The following ANLN variants were observed in gnomAD, a reference collection of about 807,000 sequenced individuals.
ANLN encodes the protein anillin.
Under a neutral mutation model 135.1 loss-of-function variants are expected in ANLN, and 59 were observed. That is an observed-to-expected ratio of 0.44 (90% confidence interval 0.35 to 0.54). The LOEUF (loss-of-function observed/expected upper bound fraction) is 0.54, where lower values mean the gene tolerates loss of function less well. ANLN is among the 20% of genes least tolerant of loss of function. The probability of loss-of-function intolerance (pLI) is 0.00; values close to 1 mark genes in which losing one functional copy is unlikely to be tolerated. For missense variants in ANLN, 1,182 were observed against 1,340.0 expected (o/e 0.88, Z 1.84); for synonymous variants, 406 against 456.4 (o/e 0.89, Z 1.41).
Position 36,396,273 on chromosome 7 carries a change from T to C in ANLN, c.26T>C (p.Leu9Pro), listed in dbSNP as rs770643953. The change falls in exon 2 of 24, where the codon CTG becomes CCG. Residue 9 changes from leucine to proline, a missense_variant. Leu to Pro is a moderately conservative substitution (Grantham distance 98). Around this residue, in one of 3 missense-constraint regions of ANLN, gnomAD observed 1,022 missense variants for 1,134.0 expected, o/e 0.90. Coordinates refer to ENST00000265748, the MANE Select transcript of ANLN (RefSeq NM_018685.5). MDPFTEKL[L>P]ERTRARRENL... is the part of the protein sequence containing the mutation. ...ATATATTTATTTATGTAGAAACTGC[T>C]GGAGCGAACCCGTGCCAGGCGAGAG... is the stretch of plus-strand genomic sequence containing the variant. 1 of 1,593,400 alleles carries C rather than the reference T, an allele frequency of 6.3e-7. No homozygotes were observed. Among genetic ancestry groups the C allele is most frequent in the East Asian group, 2.2e-5 (1 of 44,630 alleles).
At chr7:36,427,526 T>G (rs1449827461) in intron 20 of ANLN, among the ~76,000 whole-genome samples, 1 of 152,084 alleles carries the variant, frequency 6.6e-6, no homozygotes, top group African/African-American at 2.4e-5. Flanking sequence ...TAATTTTTAC[T>G]ATTGTTTTGT....
chr7:36,427,052 G>A (rs199717895), intron 20 of ANLN, 24 bp downstream of exon 20: 12 of 1,485,450 alleles, frequency 8.1e-6, no homozygotes, highest in Admixed American at 2.1e-5. Context: ...ATTTCTAAGG[G>A]TGTGGTGTTT....
intron 5 of ANLN, among the ~76,000 whole-genome samples, chr7:36,409,759 G>A (rs560241052): frequency 5.0e-4 from 76 of 151,892 alleles, no homozygotes; most frequent in Non-Finnish European, 8.8e-4. Flanking sequence ...CTGCAGCCTC[G>A]ACCTCCCAGA....
chr7:36,436,466 G>C (rs1414692290), intron 20 of ANLN, among the ~76,000 whole-genome samples: 2 of 152,114 alleles, frequency 1.3e-5, no homozygotes, highest in Non-Finnish European at 2.9e-5. Flanking sequence ...CAGTTCTTTT[G>C]TACGTATACA....
intron 7 of ANLN, among the ~76,000 whole-genome samples, chr7:36,413,046 A>G (rs1787490419): frequency 6.6e-6 from 1 of 152,096 alleles, no homozygotes; most frequent in South Asian, 2.1e-4. Context: ...GCATTCCACC[A>G]CTGCCTATGG....
At chr7:36,401,541 G>C (rs1786948583) in intron 3 of ANLN, among the ~76,000 whole-genome samples, 1 of 151,122 alleles carries the variant, frequency 6.6e-6, no homozygotes, top group South Asian at 2.1e-4. Flanking sequence ...GTTTCACCAT[G>C]TTGTCCAAGC....
At chr7:36,412,499 T>G (rs1787466477) in intron 7 of ANLN, among the ~76,000 whole-genome samples, 1 of 151,834 alleles carries the variant, frequency 6.6e-6, no homozygotes, top group Admixed American at 6.6e-5. Context: ...TGGCTAATTT[T>G]GTATTTTTAG....
Position 36,425,232 on chromosome 7 carries a change from A to G in ANLN, c.2710-470A>G, listed in dbSNP as rs1788032091. ...TCAGGGACTCAAGTGTAATGTTTTCATATTTAAGAATTAATTACTCAAGGA... is the reference window on the plus strand; with the variant it reads ...TCAGGGACTCAAGTGTAATGTTTTCGTATTTAAGAATTAATTACTCAAGGA... On this transcript the variant is annotated intron_variant, in intron 17 of 23. Transcript: ENST00000265748. Among the ~76,000 whole-genome samples, 2 of 151,742 alleles carry G rather than the reference A, an allele frequency of 1.3e-5. 1 individual carries two copies. The highest frequency in any genetic ancestry group is 4.2e-4 in the South Asian group (2 of 4,818).
At chr7:36,391,530 A>G (rs183511239) in intron 1 of ANLN, among the ~76,000 whole-genome samples, 1 of 152,334 alleles carries the variant, frequency 6.6e-6, no homozygotes, top group Non-Finnish European at 1.5e-5. Flanking sequence ...AGTTGGAAAA[A>G]CAGCTTAGAC....
At position 36,414,613 on chromosome 7, in the gene ANLN, A is replaced by G. The variant is rs982941623; in HGVS notation, c.1396-1145A>G. ...GAGAGCTGACTCAGACATAGGAAGAATAGGGGGTAGTATTGAGGCTTAGAT... is the reference window on the plus strand; with the variant it reads ...GAGAGCTGACTCAGACATAGGAAGAGTAGGGGGTAGTATTGAGGCTTAGAT... On this transcript the variant is annotated intron_variant, in intron 7 of 23. Transcript: ENST00000265748. 2.0e-5 allele frequency among the ~76,000 whole-genome samples: 3 copies of G among 152,210 alleles called. No homozygotes were observed. The East Asian group carries it at 5.8e-4, about 29-fold the overall frequency.
intron 20 of ANLN, among the ~76,000 whole-genome samples, chr7:36,431,920 A>C (rs1160869108): frequency 6.6e-6 from 1 of 152,024 alleles, no homozygotes; most frequent in Non-Finnish European, 1.5e-5. Context: ...CTGAATTAAA[A>C]ATTTGTTCAG....
chr7:36,401,167 A>G (rs1786929434), intron 3 of ANLN, among the ~76,000 whole-genome samples: 1 of 152,184 alleles, frequency 6.6e-6, no homozygotes. Context: ...TTATTCTAAT[A>G]GCGTTTAATT....
intron 12 of ANLN, 150 bp from the exon 13 acceptor site, chr7:36,421,707 A>G: frequency 1.6e-6 from 1 of 612,750 alleles, no homozygotes; most frequent in South Asian, 3.0e-5. Flanking sequence ...TTTGGTGCAT[A>G]GTCGAGAAAC....
At chr7:36,412,277 C>T (rs1221555981) in intron 7 of ANLN, among the ~76,000 whole-genome samples, 1 of 149,124 alleles carries the variant, frequency 6.7e-6, no homozygotes, top group Non-Finnish European at 1.5e-5. Context: ...CGCTACCCTC[C>T]AGTCCACCTT....
Position 36,419,349 on chromosome 7 carries a change from TGGA to T in ANLN, c.1741_1743del (p.Glu581del). On this transcript the variant is annotated inframe_deletion, in exon 10 of 24. Transcript: ENST00000265748. ...GTCCTAGAGGAAGGTGAACTAGATA[TGGA>T]GAAGAGCCAAGAGGAGATGGATCAA... is the stretch of plus-strand genomic sequence containing the variant. 6.2e-7 allele frequency: 1 copy of T among 1,614,092 alleles called. No homozygotes were observed. Among genetic ancestry groups the T allele is most frequent in the Non-Finnish European group, 8.5e-7 (1 of 1,179,996 alleles).
At chr7:36,391,575 G>T (rs1262969316) in intron 1 of ANLN, among the ~76,000 whole-genome samples, 3 of 152,172 alleles carry the variant, frequency 2.0e-5, no homozygotes, top group Non-Finnish European at 4.4e-5. Flanking sequence ...TGAACTACTT[G>T]AATTGATTCC....
intron 20 of ANLN, among the ~76,000 whole-genome samples, chr7:36,433,984 C>T (rs1548813): frequency 0.23 from 35,437 of 151,922 alleles, 4,261 homozygotes; most frequent in East Asian, 0.42. Flanking sequence ...CTAATTCTAA[C>T]GTTTAGATCA....
chr7:36,424,194 T>C (rs1219681797), intron 15 of ANLN, among the ~76,000 whole-genome samples: 1 of 152,176 alleles, frequency 6.6e-6, no homozygotes, highest in Non-Finnish European at 1.5e-5. Flanking sequence ...ACATTAAACC[T>C]GGACCATAGA....
intron 7 of ANLN, among the ~76,000 whole-genome samples, chr7:36,413,756 T>C (rs1410041477): frequency 2.6e-5 from 4 of 152,168 alleles, no homozygotes; most frequent in African/African-American, 9.7e-5. Flanking sequence ...TTTAGGAGAC[T>C]GAGGCAGGTG....
Sources: gnomAD v4.1 joint callset for allele counts (sites outside exome capture counted in the v4.1 genomes callset) on GRCh38, gnomAD v4.1.1 for gene constraint, gnomAD v4.1.1 regional missense constraint, MANE v1.5 for transcripts, NCBI Gene and HGNC (gene_info 2026-07-23, HGNC 2026-07-21) for gene names.